The following TMEM108 variants were observed in gnomAD, a reference collection of about 807,000 sequenced individuals.
TMEM108 encodes transmembrane protein 108.
In TMEM108, 12 loss-of-function variants were observed where a neutral mutation model predicts 35.1. The ratio of observed to expected loss-of-function variants is 0.34; its 90% CI spans 0.22 to 0.55. The LOEUF is 0.55. TMEM108 is among the 20% of genes least tolerant of loss of function. TMEM108 has a pLI of 0.89. For synonymous variants in TMEM108, 287 were observed against 308.6 expected (o/e 0.93, Z 0.73); for missense variants, 680 against 753.3 (o/e 0.90, Z 1.14).
chr3:133,183,696 A>G lies in TMEM108; in HGVS notation c.-46-45570A>G, dbSNP rs115522011. 7.5e-3 allele frequency among the ~76,000 whole-genome samples: 1,148 copies of G among 152,268 alleles called. 19 individuals are homozygous for G. Among genetic ancestry groups the G allele is most frequent in the African/African-American group, 0.026 (1,088 of 41,550 alleles). ...AGGCACAGGCACAAGATTCTACCCT[A>G]CATTCTTGTTGAGGCAGGGAGTGGG... On this transcript the variant is annotated intron_variant, in intron 2 of 5. Transcript: ENST00000321871.
At chr3:133,269,570 GA>G (rs2107680997) in intron 3 of TMEM108, among the ~76,000 whole-genome samples, 1 of 152,292 alleles carries the variant, frequency 6.6e-6, no homozygotes, top group South Asian at 2.1e-4. Flanking sequence ...AAGTGAAAGG[GA>G]AACTGGTACC....
At chr3:133,135,587 G>A (rs1171630134) in intron 2 of TMEM108, among the ~76,000 whole-genome samples, 6 of 152,120 alleles carry the variant, frequency 3.9e-5, no homozygotes, top group Admixed American at 1.3e-4. Context: ...GTTTTAGGCC[G>A]GGGACTGGCA....
At chr3:133,090,904 G>C (rs1943939315) in intron 2 of TMEM108, among the ~76,000 whole-genome samples, 1 of 152,064 alleles carries the variant, frequency 6.6e-6, no homozygotes, top group African/African-American at 2.4e-5. Context: ...TACTGCTTTT[G>C]TTAAATGATA....
intron 3 of TMEM108, among the ~76,000 whole-genome samples, chr3:133,327,639 A>T (rs1188493547): frequency 3.3e-5 from 5 of 152,150 alleles, no homozygotes; most frequent in African/African-American, 1.2e-4. Context: ...TGCAGTTAAC[A>T]TCTTCTTTTG....
At position 133,307,803 on chromosome 3, in the gene TMEM108, C is replaced by T. The variant is rs1007245274; in HGVS notation, c.41-71949C>T. On this transcript the variant is annotated intron_variant, in intron 3 of 5. Transcript: ENST00000321871. Reference sequence around the variant, plus strand: ...TGTAGTATAATTTGAAGTCAGGTAGCCTCCAGCTTTGTTCTTTTTGCTTAG... The same window carrying T: ...TGTAGTATAATTTGAAGTCAGGTAGTCTCCAGCTTTGTTCTTTTTGCTTAG... 2.0e-5 allele frequency among the ~76,000 whole-genome samples: 3 copies of T among 151,596 alleles called. No homozygotes were observed. The South Asian group carries it at 6.3e-4, about 32-fold the overall frequency.
At chr3:133,254,760 T>A (rs1243395667) in intron 3 of TMEM108, among the ~76,000 whole-genome samples, 1 of 152,174 alleles carries the variant, frequency 6.6e-6, no homozygotes, top group Non-Finnish European at 1.5e-5. Context: ...AAAACAACCA[T>A]GTATTATGCT....
chr3:133,277,676 G>T (rs1442535581), intron 3 of TMEM108, among the ~76,000 whole-genome samples: 2 of 152,226 alleles, frequency 1.3e-5, no homozygotes, highest in Non-Finnish European at 2.9e-5. Context: ...CTGAGCCTTA[G>T]TTTCCTAATC....
intron 2 of TMEM108, among the ~76,000 whole-genome samples, chr3:133,131,758 G>C (rs1158378112): frequency 6.6e-6 from 1 of 151,928 alleles, no homozygotes. Context: ...GCATCAGCGA[G>C]ACAAGTTAGG....
intron 3 of TMEM108, among the ~76,000 whole-genome samples, chr3:133,230,442 T>C (rs755955115): frequency 6.6e-6 from 1 of 152,236 alleles, no homozygotes; most frequent in Non-Finnish European, 1.5e-5. Flanking sequence ...GACTTTCTCA[T>C]GTTCCTTTTC....
Position 133,234,390 on chromosome 3 carries a change from C to T in TMEM108, c.40+5039C>T, listed in dbSNP as rs566762304. Among the ~76,000 whole-genome samples the T allele has an allele frequency of 3.0e-4, 46 of 152,128 alleles. No homozygotes were observed. In the East Asian group the frequency reaches 8.3e-3, roughly 27 times the overall value. On this transcript the variant is annotated intron_variant, in intron 3 of 5. Transcript: ENST00000321871. ...AACCAAATCCAGCAGCACATCAAAA[C>T]GCTTATCCACCATGATCAAGTGGGC...
chr3:133,240,099 T>C (rs1946292314), intron 3 of TMEM108, among the ~76,000 whole-genome samples: 2 of 152,236 alleles, frequency 1.3e-5, no homozygotes, highest in African/African-American at 4.8e-5. Context: ...AACTTGATTT[T>C]ATAAGACTTT....
chr3:133,321,155 G>A (rs1219100970), intron 3 of TMEM108, among the ~76,000 whole-genome samples: 2 of 152,126 alleles, frequency 1.3e-5, no homozygotes, highest in Non-Finnish European at 2.9e-5. Context: ...GAATAAAACA[G>A]TATGTCACAT....
intron 2 of TMEM108, among the ~76,000 whole-genome samples, chr3:133,085,097 A>G (rs537762820): frequency 6.6e-6 from 1 of 152,260 alleles, no homozygotes; most frequent in East Asian, 1.9e-4. Context: ...TCTTCGAGGA[A>G]TAGTTCTTGC....
intron 2 of TMEM108, among the ~76,000 whole-genome samples, chr3:133,143,644 G>A (rs565334587): frequency 3.3e-5 from 5 of 152,282 alleles, no homozygotes; most frequent in African/African-American, 1.2e-4. Context: ...AATTACCCAA[G>A]AAGGCAGAAA....
chr3:133,148,354 A>G (rs183284940), intron 2 of TMEM108, among the ~76,000 whole-genome samples: 1 of 152,318 alleles, frequency 6.6e-6, no homozygotes, highest in Admixed American at 6.5e-5. Flanking sequence ...GGCAAATATA[A>G]TAGCTACTTT....
chr3:133,105,920 G>A (rs551075815), intron 2 of TMEM108, among the ~76,000 whole-genome samples: 136 of 152,208 alleles, frequency 8.9e-4, no homozygotes, highest in Non-Finnish European at 1.7e-3. Context: ...GAGGTCTCCC[G>A]GTCTCTTAGG....
At chr3:133,347,301 T>C (rs1341667212) in intron 3 of TMEM108, among the ~76,000 whole-genome samples, 2 of 152,140 alleles carry the variant, frequency 1.3e-5, no homozygotes, top group Non-Finnish European at 2.9e-5. Flanking sequence ...TAGACCTTCT[T>C]TGATTTCTTT....
intron 3 of TMEM108, among the ~76,000 whole-genome samples, chr3:133,254,847 C>A (rs929927428): frequency 6.6e-6 from 1 of 152,160 alleles, no homozygotes. Flanking sequence ...GGGTCCTCAG[C>A]TAGATGGCCT....
At chr3:133,145,100 T>C (rs1944698233) in intron 2 of TMEM108, among the ~76,000 whole-genome samples, 1 of 152,230 alleles carries the variant, frequency 6.6e-6, no homozygotes, top group Non-Finnish European at 1.5e-5. Flanking sequence ...GTTTTAGGTC[T>C]TTCATTTAAG....
Sources: gnomAD v4.1 joint callset for allele counts (sites outside exome capture counted in the v4.1 genomes callset) on GRCh38, gnomAD v4.1.1 for gene constraint, MANE v1.5 for transcripts, NCBI Gene and HGNC (gene_info 2026-07-23, HGNC 2026-07-21) for gene names.